Variants in LRRC8D observed in about 807,000 individuals in gnomAD.
LRRC8D encodes the protein volume-regulated anion channel subunit LRRC8D.
LRRC8D carries 20 observed loss-of-function variants against 55.8 expected under a neutral mutation model. That is an observed-to-expected ratio of 0.36 (90% CI 0.25 to 0.52). The LOEUF (loss-of-function observed/expected upper bound fraction) is 0.52. Among genes scored for constraint, LRRC8D ranks in the 20% least tolerant of loss-of-function variants. The pLI, the probability that LRRC8D is intolerant of heterozygous loss-of-function variation, is 0.93. For synonymous variants in LRRC8D, 352 were observed against 377.0 expected, an observed-to-expected ratio of 0.93 and a Z score of 0.77; for missense variants, 651 against 1,030.8, an observed-to-expected ratio of 0.63 and a Z score of 5.05.
chr1:89,828,126 A>C (rs2100699587), intron 1 of LRRC8D, among the ~76,000 whole-genome samples: 1 of 152,322 alleles, frequency 6.6e-6, no homozygotes, highest in South Asian at 2.1e-4. Flanking sequence ...GACACCTTCA[A>C]ATGGGTTTGA....
At chr1:89,889,770 C>T (rs1271208671) in intron 2 of LRRC8D, among the ~76,000 whole-genome samples, 2 of 151,946 alleles carry the variant, frequency 1.3e-5, no homozygotes, top group African/African-American at 4.8e-5. Context: ...GTGGTCCCAG[C>T]TACTTGGGAG....
intron 1 of LRRC8D, chr1:89,843,400 T>C (rs369499713): frequency 3.1e-6 from 1 of 323,806 alleles, no homozygotes. Flanking sequence ...GGCGGGCGGG[T>C]GGCTGGCAGC....
At chr1:89,887,718 A>G (rs916330944) in intron 2 of LRRC8D, among the ~76,000 whole-genome samples, 3 of 151,990 alleles carry the variant, frequency 2.0e-5, no homozygotes, top group African/African-American at 7.3e-5. Context: ...AACTCTTTCT[A>G]TCCTGTATAG....
At chr1:89,909,127 A>G (rs989191282) in intron 2 of LRRC8D, among the ~76,000 whole-genome samples, 2 of 152,186 alleles carry the variant, frequency 1.3e-5, no homozygotes, top group African/African-American at 2.4e-5. Flanking sequence ...TAACAACAGA[A>G]TGAAAACCAA....
In LRRC8D at chr1:89,843,583, C is replaced by G. The variant is rs999556804; in HGVS notation, c.-147-55C>G. 35 of 697,396 alleles carry G rather than the reference C, an allele frequency of 5.0e-5. No homozygotes were observed. The African/African-American group carries it at 5.3e-4, about 10-fold the overall frequency. 43.2% of individuals were successfully genotyped at this position (697,396 alleles called of 1,614,324 possible). Reference sequence around the variant, plus strand: ...CCGCCGCCCTGCACTCCTTCCTCCCCGCTGCCGACACTTGGATCTCTCTAG... The same window carrying G: ...CCGCCGCCCTGCACTCCTTCCTCCCGGCTGCCGACACTTGGATCTCTCTAG... On this transcript the variant is annotated intron_variant, in intron 1 of 2. Coordinates refer to ENST00000337338, the MANE Select transcript of LRRC8D (RefSeq NM_001134479.2).
At chr1:89,888,567 C>A (rs185737312) in intron 2 of LRRC8D, among the ~76,000 whole-genome samples, 1 of 152,340 alleles carries the variant, frequency 6.6e-6, no homozygotes, top group East Asian at 1.9e-4. Context: ...AATATCCCAG[C>A]AGCAACAAGC....
intron 2 of LRRC8D, among the ~76,000 whole-genome samples, chr1:89,892,522 C>CT (rs920758712): frequency 2.9e-4 from 42 of 147,208 alleles, no homozygotes; most frequent in African/African-American, 4.5e-4. Flanking sequence ...TTGATATTTC[C>CT]TTTTTTTTTT....
At chr1:89,851,331 C>CT (rs1399993862) in intron 2 of LRRC8D, among the ~76,000 whole-genome samples, 3 of 152,082 alleles carry the variant, frequency 2.0e-5, no homozygotes, top group African/African-American at 7.2e-5. Flanking sequence ...ATTGGGACAA[C>CT]TTTGTCAGTT....
intron 2 of LRRC8D, among the ~76,000 whole-genome samples, chr1:89,860,819 G>C (rs1440682475): frequency 7.3e-5 from 6 of 82,624 alleles, no homozygotes; most frequent in African/African-American, 2.3e-4. Flanking sequence ...TACACACACA[G>C]ACGCATTTTG....
At chr1:89,862,282 C>A (rs1203239267) in intron 2 of LRRC8D, among the ~76,000 whole-genome samples, 2 of 152,096 alleles carry the variant, frequency 1.3e-5, no homozygotes, top group African/African-American at 4.8e-5. Context: ...TTGTTATTTT[C>A]TTACATCTAG....
Position 89,934,221 on chromosome 1 carries a change from T to C in LRRC8D, c.1153T>C (p.Phe385Leu). ...TGGCTTTATCTGCCTCTACACTCTC[T>C]TCTGGTTATTCAGGATACCTTTGAA... The part of the protein sequence containing the change: ...VYGFICLYTL[F>L]WLFRIPLKEY... The change falls in exon 3 of 3, where the codon TTC (phenylalanine) becomes CTC (leucine). Residue 385 changes from phenylalanine (F) to leucine (L), a missense_variant. Physicochemically the swap from Phe to Leu is conservative, Grantham distance 22. Around this residue, in one of 5 missense-constraint regions of LRRC8D, gnomAD observed 178 missense variants for 374.9 expected, o/e 0.47. Coordinates refer to ENST00000337338, the MANE Select transcript of LRRC8D (RefSeq NM_001134479.2). The surrounding 1 kb of genome is among the most constrained non-coding windows in gnomAD (Gnocchi z 5.9). 1 of 1,614,162 alleles carries C rather than the reference T, an allele frequency of 6.2e-7. No homozygotes were observed. Among genetic ancestry groups the C allele is most frequent in the East Asian group, 2.2e-5 (1 of 44,880 alleles).
At chr1:89,905,504 T>C (rs1662966198) in intron 2 of LRRC8D, among the ~76,000 whole-genome samples, 1 of 152,164 alleles carries the variant, frequency 6.6e-6, no homozygotes, top group African/African-American at 2.4e-5. Flanking sequence ...CTACCCACTA[T>C]TGAAGTTTGA....
At chr1:89,897,357 T>A (rs1184420044) in intron 2 of LRRC8D, among the ~76,000 whole-genome samples, 2 of 152,246 alleles carry the variant, frequency 1.3e-5, no homozygotes, top group Non-Finnish European at 2.9e-5. Context: ...CTGCCAGTGC[T>A]TTTATCTACA....
chr1:89,933,296 C>G lies in LRRC8D; in HGVS notation c.228C>G (p.Thr76=). Residue 76 remains threonine (T), a synonymous_variant, in exon 3 of 3, where the codon ACC becomes ACG. Transcript: ENST00000337338. The surrounding 1 kb of genome is among the most constrained non-coding windows in gnomAD (Gnocchi z 7.0). The part of the protein sequence containing the change: ...AHTPPGNAEV[T]TNIPKMEAAT... ...CACCACCAGGAAATGCCGAGGTCAC[C>G]ACCAACATCCCAAAGATGGAAGCAG... 1.2e-6 allele frequency: 2 copies of G among 1,614,134 alleles called. No individual in the cohort carries two copies. The highest frequency in any genetic ancestry group is 1.7e-6 in the Non-Finnish European group (2 of 1,180,024).
intron 2 of LRRC8D, among the ~76,000 whole-genome samples, chr1:89,874,682 A>C (rs188199779): frequency 1.1e-4 from 17 of 152,310 alleles, no homozygotes; most frequent in African/African-American, 3.4e-4. Context: ...TTATCTAGCA[A>C]TGATGAAGTA....
chr1:89,928,624 C>T (rs977101390), intron 2 of LRRC8D, among the ~76,000 whole-genome samples: 6 of 152,128 alleles, frequency 3.9e-5, no homozygotes, highest in Admixed American at 2.0e-4. Context: ...AGTCTGGGGC[C>T]GGAGCTGGTG....
intron 1 of LRRC8D, chr1:89,843,393 G>A (rs1031074381): frequency 9.1e-5 from 29 of 318,674 alleles, no homozygotes; most frequent in Admixed American, 6.6e-4. Flanking sequence ...GCGAGCGGGC[G>A]GGCGGGTGGC....
At chr1:89,881,901 C>T (rs1004228726) in intron 2 of LRRC8D, among the ~76,000 whole-genome samples, 1 of 152,166 alleles carries the variant, frequency 6.6e-6, no homozygotes, top group Non-Finnish European at 1.5e-5. Context: ...ATGGAGTTGG[C>T]CCTGTTAACT....
chr1:89,898,005 C>G (rs1662757119), intron 2 of LRRC8D, among the ~76,000 whole-genome samples: 1 of 152,162 alleles, frequency 6.6e-6, no homozygotes, highest in Non-Finnish European at 1.5e-5. Flanking sequence ...GGAATTCCCA[C>G]CTAACCGCCA....
Sources: gnomAD v4.1 joint callset for allele counts (sites outside exome capture counted in the v4.1 genomes callset) on GRCh38, gnomAD v4.1.1 for gene constraint, gnomAD v4.1.1 regional missense constraint, Gnocchi (gnomAD v3.1) non-coding constraint, MANE v1.5 for transcripts, NCBI Gene and HGNC (gene_info 2026-07-23, HGNC 2026-07-21) for gene names.